PPP3CA: variants seen among roughly 807,000 people sequenced by gnomAD.
PPP3CA encodes the protein protein phosphatase 3 catalytic subunit alpha.
PPP3CA carries 14 observed loss-of-function variants against 66.5 expected under a neutral mutation model. The ratio of observed to expected loss-of-function variants is 0.21; its 90% CI spans 0.14 to 0.33. The LOEUF (loss-of-function observed/expected upper bound fraction) is 0.33, where lower values mean the gene tolerates loss of function less well. PPP3CA is among the 10% of genes least tolerant of loss of function. The pLI, the probability that PPP3CA is intolerant of heterozygous loss-of-function variation, is 1.00. For missense variants in PPP3CA, 317 were observed against 639.5 expected (o/e 0.50, Z 5.44); for synonymous variants, 232 against 226.2 (o/e 1.03, Z -0.23).
At chr4:101,216,024 G>C (rs530290802) in intron 1 of PPP3CA, among the ~76,000 whole-genome samples, 2 of 151,890 alleles carry the variant, frequency 1.3e-5, no homozygotes, top group Non-Finnish European at 2.9e-5. Context: ...CAACTATCTC[G>C]CTTAATTAAA....
In PPP3CA at chr4:101,241,828, A is replaced by G. The variant is rs113290199; in HGVS notation, c.59-45712T>C. On this transcript the variant is annotated intron_variant, in intron 1 of 13. Coordinates refer to ENST00000394854, the MANE Select transcript of PPP3CA (RefSeq NM_000944.5). ...ATTCCAGTGACCATGCTTTTAAACT[A>G]AAAATGAATTCATTAATACATGTAC... Among the ~76,000 whole-genome samples, 1,361 of 152,264 alleles carry G rather than the reference A, an allele frequency of 8.9e-3. 20 individuals are homozygous for G. The highest frequency in any genetic ancestry group is 0.031 in the African/African-American group (1,301 of 41,562).
At chr4:101,192,218 T>C (rs1301828060) in intron 2 of PPP3CA, among the ~76,000 whole-genome samples, 1 of 152,156 alleles carries the variant, frequency 6.6e-6, no homozygotes, top group African/African-American at 2.4e-5. Flanking sequence ...AAAATCAACT[T>C]GAACACTCAT....
intron 1 of PPP3CA, among the ~76,000 whole-genome samples, chr4:101,271,911 C>A (rs1470079394): frequency 1.3e-5 from 2 of 152,156 alleles, no homozygotes; most frequent in African/African-American, 4.8e-5. Flanking sequence ...ACTGCTACAA[C>A]TTTTTAAAAC....
intron 2 of PPP3CA, among the ~76,000 whole-genome samples, chr4:101,125,278 C>T (rs188410610): frequency 2.0e-5 from 3 of 152,304 alleles, no homozygotes; most frequent in South Asian, 2.1e-4. Flanking sequence ...TTAAAGGAAG[C>T]CTGCCTCTTT....
At chr4:101,236,888 C>A (rs11934140) in intron 1 of PPP3CA, among the ~76,000 whole-genome samples, 1 of 150,872 alleles carries the variant, frequency 6.6e-6, no homozygotes, top group East Asian at 2.0e-4. Flanking sequence ...GGTTTTTCTG[C>A]CTACTAGTTA....
At chr4:101,067,810 T>TATAATAATAATA (rs143876116) in intron 8 of PPP3CA, among the ~76,000 whole-genome samples, 30 of 147,072 alleles carry the variant, frequency 2.0e-4, no homozygotes, top group Non-Finnish European at 2.8e-4. Context: ...AAACTTAAAG[T>TATAATAATAATA]ATAATAATAA....
intron 2 of PPP3CA, among the ~76,000 whole-genome samples, chr4:101,189,266 T>C (rs1724511244): frequency 6.6e-6 from 1 of 152,152 alleles, no homozygotes; most frequent in Admixed American, 6.6e-5. Flanking sequence ...ATTTACTATG[T>C]ACAAATCAGC....
intron 3 of PPP3CA, chr4:101,108,128 G>A (rs1721501569): frequency 6.6e-6 from 1 of 152,166 alleles, no homozygotes; most frequent in Non-Finnish European, 1.5e-5. Flanking sequence ...AAGGTTATCT[G>A]TTTTGTTTTA....
chr4:101,044,323 T>C (rs2110213448), intron 10 of PPP3CA, among the ~76,000 whole-genome samples: 1 of 152,338 alleles, frequency 6.6e-6, no homozygotes, highest in South Asian at 2.1e-4. Context: ...CAAGAATAAG[T>C]ACATGTTTTT....
At chr4:101,138,356 A>T (rs893816604) in intron 2 of PPP3CA, among the ~76,000 whole-genome samples, 1 of 152,246 alleles carries the variant, frequency 6.6e-6, no homozygotes, top group Non-Finnish European at 1.5e-5. Context: ...TCTCTAAAAC[A>T]GAAATAAGAC....
In PPP3CA at chr4:101,098,391, A is replaced by T. The variant is rs769123247; in HGVS notation, c.618T>A (p.Ile206=). ...LCVHGGLSPE[I]NTLDDIRKLD... is the part of the protein sequence containing the mutation. ...CTTTTCTGATATCATCTAAAGTGTT[A>T]ATCTCTGGAGACAAACCACCATGCA... The change falls in exon 5 of 14, where the codon ATT becomes ATA. Residue 206 remains isoleucine (I), a synonymous_variant. Transcript: ENST00000394854. The T allele has an allele frequency of 6.2e-7, 1 of 1,608,678 alleles. No individual in the cohort carries two copies. The highest frequency in any genetic ancestry group is 1.7e-5 in the Admixed American group (1 of 58,812).
At chr4:101,029,525 G>C (rs914551927) in intron 12 of PPP3CA, among the ~76,000 whole-genome samples, 6 of 151,806 alleles carry the variant, frequency 4.0e-5, no homozygotes, top group Admixed American at 6.6e-5. Context: ...TGAATTATAA[G>C]AGATTATGTA....
At chr4:101,123,688 C>A (rs757099701) in intron 2 of PPP3CA, among the ~76,000 whole-genome samples, 23 of 152,008 alleles carry the variant, frequency 1.5e-4, no homozygotes, top group Non-Finnish European at 3.2e-4. Flanking sequence ...AAAAAACCCC[C>A]CAAAAGATTA....
At chr4:101,125,019 A>G (rs758096317) in intron 2 of PPP3CA, among the ~76,000 whole-genome samples, 2 of 152,226 alleles carry the variant, frequency 1.3e-5, no homozygotes, top group Non-Finnish European at 2.9e-5. Context: ...CTTCAAATGA[A>G]GCAAAGAGTT....
At chr4:101,048,441 C>A (rs1161561558) in intron 10 of PPP3CA, among the ~76,000 whole-genome samples, 1 of 144,896 alleles carries the variant, frequency 6.9e-6, no homozygotes, top group African/African-American at 2.6e-5. Flanking sequence ...CCTGGGAATC[C>A]TGCACTGTTC....
At chr4:101,307,561 G>C (rs1178174304) in intron 1 of PPP3CA, among the ~76,000 whole-genome samples, 2 of 152,156 alleles carry the variant, frequency 1.3e-5, no homozygotes, top group African/African-American at 2.4e-5. Context: ...TACTTATCTT[G>C]ATTATGTAAC....
chr4:101,232,688 GA>G (rs11290422), intron 1 of PPP3CA, among the ~76,000 whole-genome samples: 101,497 of 151,404 alleles, frequency 0.67, 34,926 homozygotes, highest in Middle Eastern at 0.76. Context: ...CAGCTTTGTA[GA>G]AAAAAGGAAT....
rs1726473542 is a variant in PPP3CA, at chr4:101,023,436, T to G, written c.*2429A>C. 1 of 152,212 alleles carries G rather than the reference T, an allele frequency of 6.6e-6. No homozygotes were observed. Among genetic ancestry groups the G allele is most frequent in the South Asian group, 2.1e-4 (1 of 4,832 alleles). 9.4% of individuals were successfully genotyped at this position (152,212 alleles called of 1,614,324 possible). On this transcript the variant is annotated 3_prime_UTR_variant, in exon 14 of 14. Transcript: ENST00000394854. ...GCAATACTCACATCAACTGCTTATTTTAATGTCAAATGTTTATTTCTATGC... is the reference window on the plus strand; with the variant it reads ...GCAATACTCACATCAACTGCTTATTGTAATGTCAAATGTTTATTTCTATGC...
intron 2 of PPP3CA, among the ~76,000 whole-genome samples, chr4:101,131,232 G>A (rs2695221): frequency 0.33 from 48,957 of 146,994 alleles, 9,749 homozygotes; most frequent in African/African-American, 0.58. Flanking sequence ...GTGAGACTCC[G>A]TCTCAAAATA....
Sources: allele counts gnomAD v4.1 joint callset (sites outside exome capture counted in the v4.1 genomes callset), GRCh38; gene constraint gnomAD v4.1.1; transcripts MANE v1.5; gene names NCBI Gene and HGNC (gene_info 2026-07-23, HGNC 2026-07-21).